IFI16: variants seen among roughly 807,000 people sequenced by gnomAD.
IFI16 encodes the protein gamma-interferon-inducible protein 16.
Under a neutral mutation model 68.4 loss-of-function variants are expected in IFI16, and 49 were observed. That is an observed-to-expected ratio of 0.72 (90% CI 0.57 to 0.91). The LOEUF (loss-of-function observed/expected upper bound fraction) is 0.91, where lower values mean the gene tolerates loss of function less well. Among genes scored for constraint, IFI16 ranks in the 40% least tolerant of loss-of-function variants. The probability of loss-of-function intolerance (pLI) is 0.00; values close to 1 mark genes in which losing one functional copy is unlikely to be tolerated. For synonymous variants in IFI16, 307 were observed against 315.0 expected (o/e 0.97, Z 0.27); for missense variants, 878 against 942.9 (o/e 0.93, Z 0.90).
At position 159,018,434 on chromosome 1, in the gene IFI16, A is replaced by G. The variant is rs1477329909; in HGVS notation, c.755A>G (p.Lys252Arg). 5 of 1,613,720 alleles carry G rather than the reference A, an allele frequency of 3.1e-6. No homozygotes were observed. The highest frequency in any genetic ancestry group is 4.2e-6 in the Non-Finnish European group (5 of 1,179,680). The change falls in exon 5 of 12, where the codon AAA becomes AGA. Residue 252 changes from lysine (K) to arginine (R), a missense_variant. Lys to Arg is a conservative substitution (Grantham distance 26). This residue lies in a region of IFI16 where 443 missense variants were observed against 421.8 expected (regional missense o/e 1.05). Coordinates refer to ENST00000295809, the MANE Select transcript of IFI16 (RefSeq NM_001376587.1). ...GTTTTAAACACCAGCTTGAAGGAGA[A>G]ATTCAATGGAAAGAAAATCATCATC... is the stretch of plus-strand genomic sequence containing the variant. ...VKVLNTSLKE[K>R]FNGKKIIIIS...
At chr1:159,031,251 T>G (rs1653982950) in intron 6 of IFI16, among the ~76,000 whole-genome samples, 1 of 152,110 alleles carries the variant, frequency 6.6e-6, no homozygotes, top group Non-Finnish European at 1.5e-5. Context: ...GCTACCAGCC[T>G]CCCTGCTGAG....
upstream of IFI16, among the ~76,000 whole-genome samples, chr1:159,007,532 A>G (rs1226625628): frequency 1.3e-5 from 2 of 152,190 alleles, no homozygotes; most frequent in African/African-American, 4.8e-5. Flanking sequence ...CCTAGTTTTT[A>G]GAAAATAGCT....
At chr1:159,007,880 G>T (rs1652317533), upstream of IFI16, among the ~76,000 whole-genome samples, 1 of 152,182 alleles carries the variant, frequency 6.6e-6, no homozygotes, top group Admixed American at 6.5e-5. Flanking sequence ...GGGAAACTTT[G>T]CTGCATAGAG....
chr1:159,022,876 A>G (rs1337139326), intron 6 of IFI16, among the ~76,000 whole-genome samples: 1 of 152,228 alleles, frequency 6.6e-6, no homozygotes, highest in African/African-American at 2.4e-5. Context: ...TACTTTTTAC[A>G]ATTTCCCCTC....
intron 10 of IFI16, chr1:159,052,824 A>T (rs1655446490): frequency 6.6e-6 from 1 of 152,046 alleles, no homozygotes; most frequent in African/African-American, 2.4e-5. Context: ...TCTACACATC[A>T]TGTAAATATT....
intron 2 of IFI16, 64 bp downstream of exon 2, chr1:159,015,009 AGAGCCCCACCTCGGACATACTT>A (rs1652834233): frequency 1.4e-6 from 2 of 1,417,348 alleles, no homozygotes; most frequent in South Asian, 2.7e-5. Context: ...AACATTGATT[AGAGCCCCACCTCGGACATACTT>A]GAGATGTGTT....
At chr1:159,018,723 G>C in intron 5 of IFI16, 72 bp downstream of exon 5, 1 of 1,086,034 alleles carries the variant, frequency 9.2e-7, no homozygotes. Flanking sequence ...TGTGTGAGAT[G>C]AAGCTTTGCC....
chr1:159,008,290 T>A (rs1435941926), upstream of IFI16, among the ~76,000 whole-genome samples: 1 of 152,198 alleles, frequency 6.6e-6, no homozygotes, highest in Non-Finnish European at 1.5e-5. Context: ...CATTTTTTGC[T>A]TTATCAGGAA....
chr1:159,048,206 C>T (rs542579074), intron 8 of IFI16, among the ~76,000 whole-genome samples: 26 of 151,372 alleles, frequency 1.7e-4, no homozygotes, highest in African/African-American at 5.8e-4. Flanking sequence ...CCTAATAGAT[C>T]GTGGAAAAAT....
Position 159,020,444 on chromosome 1 carries a change from G to C in IFI16, c.1076G>C (p.Gly359Ala), listed in dbSNP as rs775974310. The change falls in exon 6 of 12, where the codon GGA becomes GCA. Residue 359 changes from glycine (G) to alanine (A), a missense_variant. Gly to Ala is a moderately conservative substitution (Grantham distance 60). This residue lies in a region of IFI16 where 443 missense variants were observed against 421.8 expected (regional missense o/e 1.05). Transcript: ENST00000295809. The part of the protein sequence containing the change: ...GQCHNIPCEE[G>A]DKLQLFCFRL... ...TGTCACAATATCCCCTGTGAAGAAG[G>C]AGATAAGCTCCAACTTTTCTGCTTT... 1 of 1,613,048 alleles carries C rather than the reference G, an allele frequency of 6.2e-7. No homozygotes were observed. Among genetic ancestry groups the C allele is most frequent in the Non-Finnish European group, 8.5e-7 (1 of 1,179,162 alleles).
intron 6 of IFI16, among the ~76,000 whole-genome samples, chr1:159,022,131 A>T (rs994355504): frequency 2.0e-5 from 3 of 151,298 alleles, no homozygotes; most frequent in Non-Finnish European, 2.9e-5. Flanking sequence ...CCCCGGCTAA[A>T]TTTTTTGTAT....
upstream of IFI16, among the ~76,000 whole-genome samples, chr1:159,003,034 G>C (rs1197218968): frequency 6.6e-6 from 1 of 152,204 alleles, no homozygotes; most frequent in Admixed American, 6.5e-5. Context: ...GCAAGGTTAA[G>C]AAGGCTTTTC....
intron 2 of IFI16, 146 bp downstream of exon 2, chr1:159,015,091 C>A: frequency 1.3e-6 from 1 of 747,118 alleles, no homozygotes; most frequent in Non-Finnish European, 2.2e-6. Flanking sequence ...ACTTCAGAGG[C>A]CAACAAGTTG....
chr1:159,002,416 T>C (rs1372850781), upstream of IFI16, among the ~76,000 whole-genome samples: 1 of 152,228 alleles, frequency 6.6e-6, no homozygotes, highest in Non-Finnish European at 1.5e-5. Flanking sequence ...AATTATTTTC[T>C]TTGTCAAATC....
chr1:159,046,939 AG>A (rs1485685524), intron 8 of IFI16, among the ~76,000 whole-genome samples: 1 of 151,362 alleles, frequency 6.6e-6, no homozygotes, highest in Non-Finnish European at 1.5e-5. Flanking sequence ...AAGATAACAC[AG>A]AGGTGGGAAA....
intron 8 of IFI16, among the ~76,000 whole-genome samples, chr1:159,045,837 C>T (rs1476331132): frequency 6.6e-6 from 1 of 151,076 alleles, no homozygotes; most frequent in African/African-American, 2.4e-5. Flanking sequence ...TCAAATAATA[C>T]CATCTTTAAA....
chr1:159,019,515 G>A (rs1653159549), intron 5 of IFI16, among the ~76,000 whole-genome samples: 1 of 150,726 alleles, frequency 6.6e-6, no homozygotes, highest in African/African-American at 2.5e-5. Flanking sequence ...TTGGAGCGCA[G>A]TGGCGCGATC....
rs749150971 is a variant in IFI16, at chr1:159,049,632, C to T, written c.1665+33C>T. ...TTCCCTCTTCCCAATACATTCCCCTCGCTACTATATAATGACAAGGATTAA... is the reference window on the plus strand; with the variant it reads ...TTCCCTCTTCCCAATACATTCCCCTTGCTACTATATAATGACAAGGATTAA... On this transcript the variant is annotated intron_variant, in intron 9 of 11. Transcript: ENST00000295809. The T allele has an allele frequency of 5.0e-6, 8 of 1,613,050 alleles. 1 individual carries two copies. The South Asian group carries it at 6.6e-5, about 13-fold the overall frequency.
intron 4 of IFI16, among the ~76,000 whole-genome samples, chr1:159,017,567 T>C (rs1428246323): frequency 6.6e-6 from 1 of 151,644 alleles, no homozygotes; most frequent in Non-Finnish European, 1.5e-5. Context: ...AGAAATAGTA[T>C]AAGAAATTAT....
Sources: gnomAD v4.1 joint callset for allele counts (sites outside exome capture counted in the v4.1 genomes callset) on GRCh38, gnomAD v4.1.1 for gene constraint, gnomAD v4.1.1 regional missense constraint, MANE v1.5 for transcripts, NCBI Gene and HGNC (gene_info 2026-07-23, HGNC 2026-07-21) for gene names.